Variants in AGAP3 observed in about 807,000 individuals in gnomAD.
The protein encoded by AGAP3 is arf-GAP with GTPase, ANK repeat and PH domain-containing protein 3.
AGAP3 carries 24 observed loss-of-function variants against 96.9 expected under a neutral mutation model. That is an observed-to-expected ratio of 0.25 (90% confidence interval 0.18 to 0.35). The LOEUF (loss-of-function observed/expected upper bound fraction) is 0.35, where lower values mean the gene tolerates loss of function less well. Ranked by LOEUF, AGAP3 falls within the 10% of genes least tolerant of loss-of-function variation. The probability of loss-of-function intolerance (pLI) is 1.00; values close to 1 mark genes in which losing one functional copy is unlikely to be tolerated. For synonymous variants in AGAP3, 563 were observed against 536.1 expected (o/e 1.05, Z -0.69); for missense variants, 876 against 1,254.2 (o/e 0.70, Z 4.55).
In AGAP3 at chr7:151,123,860, A is replaced by C; in HGVS notation, c.1195A>C (p.Ser399Arg). 6.2e-7 allele frequency: 1 copy of C among 1,610,548 alleles called. No homozygotes were observed. Among genetic ancestry groups the C allele is most frequent in the Admixed American group, 1.7e-5 (1 of 60,002 alleles). Residue 399 changes from serine (S) to arginine (R), a missense_variant, in exon 9 of 18, where the codon AGC becomes CGC. This residue lies in a region of AGAP3 where 49 missense variants were observed against 41.7 expected (regional missense o/e 1.17). Transcript: ENST00000397238. ...AAECKVDSIG[S>R]GRAIPIKQGI... ...CGAGTGCAAGGTGGACAGCATCGGG[A>C]GCGGCCGCGCCATCCCCATCAAGCA...
intron 1 of AGAP3, among the ~76,000 whole-genome samples, chr7:151,092,729 C>G (rs1440383645): frequency 6.6e-6 from 1 of 152,078 alleles, no homozygotes; most frequent in Non-Finnish European, 1.5e-5. Flanking sequence ...AGTAACTTTC[C>G]TGAAGCCACG....
chr7:151,138,051 G>A, intron 11 of AGAP3, 92 bp from the exon 12 acceptor site: 2 of 1,029,448 alleles, frequency 1.9e-6, no homozygotes, highest in Non-Finnish European at 2.9e-6. Flanking sequence ...AATGTCTCAG[G>A]CTCTGCTCTG....
intron 1 of AGAP3, among the ~76,000 whole-genome samples, chr7:151,116,026 G>A (rs954723117): frequency 9.9e-5 from 15 of 152,206 alleles, no homozygotes; most frequent in Admixed American, 9.2e-4. Context: ...GTGCCTCTGG[G>A]AGCCAGGGAG....
At chr7:151,128,976 G>T (rs907258900) in intron 10 of AGAP3, among the ~76,000 whole-genome samples, 3 of 152,234 alleles carry the variant, frequency 2.0e-5, no homozygotes, top group Non-Finnish European at 4.4e-5. Flanking sequence ...TGCCGATGTT[G>T]CCCAGCAGTT....
In AGAP3 at chr7:151,114,968, GCCGCCGCCCA is replaced by G; in HGVS notation, c.332-1821_332-1812del. On this transcript the variant is annotated intron_variant, in intron 1 of 17. Transcript: ENST00000397238. The surrounding 1 kb of genome is among the most constrained non-coding windows in gnomAD (Gnocchi z 4.4). ...GGAGCGTGTGCTCGGGCGGCCCGGA[GCCGCCGCCCA>G]CCGGCGCCCGCGGCCTTTTGCTCGG... is the stretch of plus-strand genomic sequence containing the variant. 1.0e-6 allele frequency: 1 copy of G among 982,718 alleles called. No homozygotes were observed. The highest frequency in any genetic ancestry group is 1.2e-6 in the Non-Finnish European group (1 of 830,032). 60.9% of individuals were successfully genotyped at this position (982,718 alleles called of 1,614,324 possible). A position where few individuals can be genotyped will look rare whatever the true frequency, so the allele number is the denominator to read the frequency against.
chr7:151,113,728 T>C (rs1376520250), intron 1 of AGAP3, among the ~76,000 whole-genome samples: 1 of 152,216 alleles, frequency 6.6e-6, no homozygotes, highest in Non-Finnish European at 1.5e-5. Context: ...CTGGCTGGGC[T>C]TCAGAGCCTG....
At chr7:151,134,331 T>A in intron 10 of AGAP3, 69 bp from the exon 11 acceptor site, 1 of 1,556,338 alleles carries the variant, frequency 6.4e-7, no homozygotes, top group Non-Finnish European at 8.8e-7. Context: ...GACCTAGGAG[T>A]TGCAAGGCTC....
At position 151,096,485 on chromosome 7, in the gene AGAP3, T is replaced by A. The variant is rs540220731; in HGVS notation, c.331+9413T>A. Among the ~76,000 whole-genome samples, 2 of 152,154 alleles carry A rather than the reference T, an allele frequency of 1.3e-5. No homozygotes were observed. Among genetic ancestry groups the A allele is most frequent in the Admixed American group, 1.3e-4 (2 of 15,302 alleles). On this transcript the variant is annotated intron_variant, in intron 1 of 17. Coordinates refer to ENST00000397238, the MANE Select transcript of AGAP3 (RefSeq NM_031946.7). The surrounding 1 kb of genome is among the most constrained non-coding windows in gnomAD (Gnocchi z 4.4). ...AACTTAAATTTTCTTTTCTTTTTTT[T>A]TTTTTGAGGTGGAGTCTCGCTCTGT... is the stretch of plus-strand genomic sequence containing the variant.
rs183681331 is a variant in AGAP3 at position 151,118,189 on chromosome 7, C to T, written c.707-21C>T. 3.8e-6 allele frequency: 6 copies of T among 1,594,286 alleles called. No homozygotes were observed. The highest frequency in any genetic ancestry group is 3.4e-5 in the Admixed American group (2 of 58,644). ...AGCTTCTCCGAAAGCTGAATGACTC[C>T]CGCCCTCCCACCTCCAACAGATGCC... On this transcript the variant is annotated intron_variant, in intron 5 of 17. Coordinates refer to ENST00000397238, the MANE Select transcript of AGAP3 (RefSeq NM_031946.7). The surrounding 1 kb of genome is among the most constrained non-coding windows in gnomAD (Gnocchi z 6.1).
intron 9 of AGAP3, among the ~76,000 whole-genome samples, 190 bp downstream of exon 9, chr7:151,124,076 T>C (rs1337330828): frequency 6.6e-6 from 1 of 152,152 alleles, no homozygotes; most frequent in Admixed American, 6.5e-5. Context: ...CGCCGCCACC[T>C]TCAGGCCACG....
Position 151,141,755 on chromosome 7 carries a change from A to G in AGAP3, c.1805-143A>G, listed in dbSNP as rs1800820388. ...GGCCTCCCCCTGCAAGCTGTCCTGG[A>G]GTGTGTGGCCTTGCAGCTGGGGAAG... On this transcript the variant is annotated intron_variant, in intron 13 of 17. Transcript: ENST00000397238. This position sits in a 1 kb window ranked among gnomAD's most constrained non-coding sequence, Gnocchi z 4.2. 1.0e-6 allele frequency: 1 copy of G among 994,290 alleles called. No homozygotes were observed. Among genetic ancestry groups the G allele is most frequent in the African/African-American group, 1.6e-5 (1 of 62,656 alleles). 61.6% of individuals were successfully genotyped at this position (994,290 alleles called of 1,614,324 possible).
rs1043388205 is a variant in AGAP3 at position 151,096,100 on chromosome 7, C to T, written c.331+9028C>T. The stretch of plus-strand genomic sequence containing the variant: ...TGGGCGTGAGAAGCAAATCAGTTAA[C>T]GTCTGCAGAGCTTTTAGAGCAGCAG... On this transcript the variant is annotated intron_variant, in intron 1 of 17. Coordinates refer to ENST00000397238, the MANE Select transcript of AGAP3 (RefSeq NM_031946.7). This position sits in a 1 kb window ranked among gnomAD's most constrained non-coding sequence, Gnocchi z 4.4. 5.9e-5 allele frequency among the ~76,000 whole-genome samples: 9 copies of T among 152,216 alleles called. No homozygotes were observed. In the South Asian group the frequency reaches 6.2e-4, roughly 10 times the overall value.
At chr7:151,117,041 C>T in intron 2 of AGAP3, 54 bp from the exon 3 acceptor site, 1 of 1,568,330 alleles carries the variant, frequency 6.4e-7, no homozygotes, top group African/African-American at 1.4e-5. Flanking sequence ...CCTGCTGGGT[C>T]TTCTCCCTCG....
In AGAP3 at chr7:151,123,790, C is replaced by G. The variant is rs756522872; in HGVS notation, c.1129-4C>G. The G allele has an allele frequency of 1.2e-6, 2 of 1,613,108 alleles. No homozygotes were observed. The highest frequency in any genetic ancestry group is 1.7e-6 in the Non-Finnish European group (2 of 1,179,856). ...TTTAACACGCCTCTTGTTTTCTCTT[C>G]CAGTCTCGGAAGGGTGCTGACCTGG... On this transcript the variant is annotated splice_polypyrimidine_tract_variant and splice_region_variant and intron_variant, in intron 8 of 17. Coordinates refer to ENST00000397238, the MANE Select transcript of AGAP3 (RefSeq NM_031946.7).
Position 151,139,842 on chromosome 7 carries a change from G to C in AGAP3, c.1667-137G>C. 2.5e-6 allele frequency: 2 copies of C among 799,282 alleles called. No individual in the cohort carries two copies. Among genetic ancestry groups the C allele is most frequent in the Non-Finnish European group, 1.8e-6 (1 of 568,032 alleles). The allele number at this position is 799,282 out of a possible 1,614,324, so 49.5% of individuals were successfully genotyped here. A position where few individuals can be genotyped will look rare whatever the true frequency, so the allele number is the denominator to read the frequency against. ...AGCCCAGGCAGACCTCGCCTAGAGA[G>C]AGGTGTCCGTCTGGCTCTCCTGAGT... On this transcript the variant is annotated intron_variant, in intron 12 of 17. Transcript: ENST00000397238. The surrounding 1 kb of genome is among the most constrained non-coding windows in gnomAD (Gnocchi z 4.9).
rs1799722463 is a variant in AGAP3 at position 151,118,799 on chromosome 7, A to G, written c.969+167A>G. On this transcript the variant is annotated intron_variant, in intron 7 of 17. Transcript: ENST00000397238. The surrounding 1 kb of genome is among the most constrained non-coding windows in gnomAD (Gnocchi z 6.1). ...TTGGTTGGAATTCCATTTAGCCGGC[A>G]CCGTAGCCTTGGCCTCATCCCTGCC... Among the ~76,000 whole-genome samples the G allele has an allele frequency of 6.6e-6, 1 of 152,116 alleles. No individual in the cohort carries two copies. Among genetic ancestry groups the G allele is most frequent in the Non-Finnish European group, 1.5e-5 (1 of 68,028 alleles).
intron 9 of AGAP3, among the ~76,000 whole-genome samples, chr7:151,127,488 C>T (rs1446596509): frequency 2.0e-5 from 3 of 152,184 alleles, no homozygotes; most frequent in Non-Finnish European, 2.9e-5. Context: ...TGCCCCTCTT[C>T]CCCCTATGCT....
At chr7:151,098,356 C>T (rs925041864) in intron 1 of AGAP3, among the ~76,000 whole-genome samples, 5 of 151,134 alleles carry the variant, frequency 3.3e-5, no homozygotes, top group Admixed American at 3.3e-4. Context: ...GAGACCCTGG[C>T]ACACACACAC....
chr7:151,134,680 T>C, intron 11 of AGAP3, 112 bp downstream of exon 11: 1 of 1,140,024 alleles, frequency 8.8e-7, no homozygotes, highest in Non-Finnish European at 1.2e-6. Flanking sequence ...CTGGCCAGCA[T>C]CACACTTCAA....
Sources: gnomAD v4.1 joint callset for allele counts (sites outside exome capture counted in the v4.1 genomes callset) on GRCh38, gnomAD v4.1.1 for gene constraint, gnomAD v4.1.1 regional missense constraint, Gnocchi (gnomAD v3.1) non-coding constraint, MANE v1.5 for transcripts, NCBI Gene and HGNC (gene_info 2026-07-23, HGNC 2026-07-21) for gene names.